The following LOXHD1 variants were observed in gnomAD, a reference collection of about 807,000 sequenced individuals.
The protein encoded by LOXHD1 is lipoxygenase homology domain-containing protein 1.
Under a neutral mutation model 248.2 loss-of-function variants are expected in LOXHD1, and 205 were observed. The ratio of observed to expected loss-of-function variants is 0.83; its 90% CI spans 0.74 to 0.93. The LOEUF is 0.93. LOXHD1 is among the 40% of genes least tolerant of loss of function. The pLI is 0.00. For synonymous variants in LOXHD1, 1,113 were observed against 1,162.8 expected, an observed-to-expected ratio of 0.96 and a Z score of 0.87; for missense variants, 2,930 against 2,971.6, an observed-to-expected ratio of 0.99 and a Z score of 0.33.
intron 13 of LOXHD1, 60 bp from the exon 14 acceptor site, chr18:46,577,927 A>G: frequency 6.6e-7 from 1 of 1,524,582 alleles, no homozygotes; most frequent in South Asian, 1.2e-5. Context: ...CCAAACACCA[A>G]GGGAAGACAT....
In LOXHD1 at chr18:46,594,374, C is replaced by T. The variant is rs1275567930; in HGVS notation, c.1227G>A (p.Arg409=). ...DEKKADGLIE[R]QLYEMVSLRK... is the part of the protein sequence containing the mutation. ...TGAGAGACACCATCTCATAGAGCTGCCTCTCAATCAACCCATCCGCTTTCT... is the reference window on the plus strand; with the variant it reads ...TGAGAGACACCATCTCATAGAGCTGTCTCTCAATCAACCCATCCGCTTTCT... The change falls in exon 9 of 41, where the codon AGG becomes AGA. Residue 409 remains arginine, a synonymous_variant. Coordinates refer to ENST00000642948, the MANE Select transcript of LOXHD1 (RefSeq NM_001384474.1). 3.2e-6 allele frequency: 5 copies of T among 1,551,542 alleles called. No homozygotes were observed. Among genetic ancestry groups the T allele is most frequent in the Non-Finnish European group, 4.4e-6 (5 of 1,146,992 alleles).
intron 40 of LOXHD1, among the ~76,000 whole-genome samples, chr18:46,483,175 T>G (rs1568070384): frequency 6.6e-6 from 1 of 152,196 alleles, no homozygotes; most frequent in Non-Finnish European, 1.5e-5. Context: ...GTCCCTACTC[T>G]GCCCACATGG....
At chr18:46,508,500 C>G (rs2034731289) in intron 35 of LOXHD1, among the ~76,000 whole-genome samples, 1 of 152,182 alleles carries the variant, frequency 6.6e-6, no homozygotes, top group African/African-American at 2.4e-5. Flanking sequence ...AGATGTTTCT[C>G]TAGAGCCTTC....
intron 31 of LOXHD1, 72 bp downstream of exon 31, chr18:46,524,394 C>T: frequency 6.6e-7 from 1 of 1,511,798 alleles, no homozygotes; most frequent in Non-Finnish European, 8.9e-7. Context: ...TCAAGAATGG[C>T]TCATCCAAGA....
chr18:46,507,529 C>T lies in LOXHD1; in HGVS notation c.5692+9G>A, dbSNP rs1299737265. 2.3e-5 allele frequency: 36 copies of T among 1,551,602 alleles called. No homozygotes were observed. Among genetic ancestry groups the T allele is most frequent in the Non-Finnish European group, 3.1e-5 (35 of 1,146,946 alleles). On this transcript the variant is annotated intron_variant, in intron 36 of 40. Transcript: ENST00000642948. The stretch of plus-strand genomic sequence containing the variant: ...AGGGAGCGGGAGGTGTGAGGGACCC[C>T]CGACCCACCCAGGATGTCGCTGGTC...
intron 12 of LOXHD1, among the ~76,000 whole-genome samples, chr18:46,580,264 T>TCC (rs2037938443): frequency 6.6e-6 from 1 of 152,240 alleles, no homozygotes; most frequent in South Asian, 2.1e-4. Context: ...ATTCCATCCA[T>TCC]CCCAGTAAAC....
At chr18:46,615,305 A>T (rs904964662) in intron 5 of LOXHD1, among the ~76,000 whole-genome samples, 3 of 152,234 alleles carry the variant, frequency 2.0e-5, no homozygotes, top group African/African-American at 7.2e-5. Context: ...CCAGGTCTGC[A>T]GTCTTGCCCT....
At chr18:46,539,180 G>A (rs2036448464) in intron 25 of LOXHD1, among the ~76,000 whole-genome samples, 1 of 152,206 alleles carries the variant, frequency 6.6e-6, no homozygotes, top group Non-Finnish European at 1.5e-5. Flanking sequence ...AGATTTGCAG[G>A]CCAGGTGTGG....
At chr18:46,629,805 A>G (rs1193279139) in intron 4 of LOXHD1, among the ~76,000 whole-genome samples, 10 of 151,404 alleles carry the variant, frequency 6.6e-5, no homozygotes, top group African/African-American at 9.7e-5. Context: ...AAAAAAAAAA[A>G]AAGAAAAAAA....
chr18:46,656,886 C>A lies in LOXHD1; in HGVS notation c.130+18G>T, dbSNP rs1467440149. 3 of 1,550,214 alleles carry A rather than the reference C, an allele frequency of 1.9e-6. No individual in the cohort carries two copies. The East Asian group carries it at 7.3e-5, about 38-fold the overall frequency. ...AGCCAGCTGCACCACCCGCCCCCCGCAGGCTGGGACCCCGCACCTCTGGCC... is the reference window on the plus strand; with the variant it reads ...AGCCAGCTGCACCACCCGCCCCCCGAAGGCTGGGACCCCGCACCTCTGGCC... On this transcript the variant is annotated intron_variant, in intron 1 of 40. Transcript: ENST00000642948.
chr18:46,518,387 T>C, intron 33 of LOXHD1, 131 bp from the exon 34 acceptor site: 1 of 1,155,810 alleles, frequency 8.7e-7, no homozygotes, highest in Non-Finnish European at 1.2e-6. Flanking sequence ...CTTCCTCAAA[T>C]CAACTGTAAA....
At chr18:46,497,758 A>G (rs1010455208) in intron 37 of LOXHD1, among the ~76,000 whole-genome samples, 8 of 152,228 alleles carry the variant, frequency 5.3e-5, no homozygotes, top group African/African-American at 1.7e-4. Flanking sequence ...ATGCTCAAGT[A>G]AAAGAGACAG....
intron 39 of LOXHD1, 44 bp from the exon 40 acceptor site, chr18:46,483,789 T>C: frequency 6.5e-7 from 1 of 1,537,276 alleles, no homozygotes; most frequent in Non-Finnish European, 8.8e-7. Context: ...CTTTGCCCAC[T>C]GAAGCAGGTA....
At chr18:46,637,845 G>A (rs2038912616) in intron 4 of LOXHD1, among the ~76,000 whole-genome samples, 1 of 152,116 alleles carries the variant, frequency 6.6e-6, no homozygotes, top group South Asian at 2.1e-4. Flanking sequence ...ATTCAGAAAT[G>A]TCCCTCAAAA....
At chr18:46,600,643 C>T (rs745957792) in intron 8 of LOXHD1, among the ~76,000 whole-genome samples, 1 of 150,946 alleles carries the variant, frequency 6.6e-6, no homozygotes, top group Non-Finnish European at 1.5e-5. Flanking sequence ...GAGGGAGGGA[C>T]AAAAATTGCC....
chr18:46,598,680 A>G (rs1241004794), intron 8 of LOXHD1, among the ~76,000 whole-genome samples: 1 of 152,154 alleles, frequency 6.6e-6, no homozygotes, highest in Non-Finnish European at 1.5e-5. Context: ...TAGAAAATAT[A>G]ATTTTTAAAG....
chr18:46,492,528 C>T (rs937191912), intron 37 of LOXHD1, among the ~76,000 whole-genome samples: 6 of 152,166 alleles, frequency 3.9e-5, no homozygotes, highest in Non-Finnish European at 5.9e-5. Context: ...AAACCACACC[C>T]GCAATTCAAT....
intron 14 of LOXHD1, among the ~76,000 whole-genome samples, chr18:46,574,999 C>A (rs1040393051): frequency 6.6e-6 from 1 of 152,238 alleles, no homozygotes; most frequent in Non-Finnish European, 1.5e-5. Context: ...TATCCACACT[C>A]TCCCTAAAGG....
downstream of LOXHD1, chr18:46,477,092 G>T: frequency 1.4e-6 from 1 of 701,686 alleles, no homozygotes; most frequent in South Asian, 1.5e-5. Flanking sequence ...AGCTTTTTTG[G>T]GGAAAAGTGT....
Sources: gnomAD v4.1 joint callset for allele counts (sites outside exome capture counted in the v4.1 genomes callset) on GRCh38, gnomAD v4.1.1 for gene constraint, MANE v1.5 for transcripts, NCBI Gene and HGNC (gene_info 2026-07-23, HGNC 2026-07-21) for gene names.